Variants in FASTKD1 observed in about 807,000 individuals in gnomAD.
The protein encoded by FASTKD1 is FAST kinase domains 1.
A neutral mutation model predicts 90.9 loss-of-function variants in FASTKD1; 94 were observed. The ratio of observed to expected loss-of-function variants is 1.03; its 90% CI spans 0.88 to 1.23. The LOEUF is 1.23. Ranked by LOEUF, FASTKD1 falls within the 50% of genes most tolerant of loss-of-function variation. The probability of loss-of-function intolerance (pLI) is 0.00; values close to 1 mark genes in which losing one functional copy is unlikely to be tolerated. For synonymous variants in FASTKD1, 319 were observed against 345.8 expected (o/e 0.92, Z 0.86); for missense variants, 945 against 993.5 (o/e 0.95, Z 0.66).
At chr2:169,572,573 G>T (rs1030855223) in intron 1 of FASTKD1, among the ~76,000 whole-genome samples, 3 of 150,310 alleles carry the variant, frequency 2.0e-5, no homozygotes, top group Non-Finnish European at 4.4e-5. Flanking sequence ...TAATTTTTCA[G>T]AAGTATGGTC....
chr2:169,548,823 G>A (rs113768989), intron 7 of FASTKD1, among the ~76,000 whole-genome samples: 3,807 of 151,914 alleles, frequency 0.025, 172 homozygotes, highest in African/African-American at 0.087. Context: ...GGCTGGGCGC[G>A]GTAGCTCACT....
At position 169,571,637 on chromosome 2, in the gene FASTKD1, A is replaced by T. The variant is rs747115135; in HGVS notation, c.377+16T>A. 4.0e-5 allele frequency: 57 copies of T among 1,436,814 alleles called. No individual in the cohort carries two copies. Among genetic ancestry groups the T allele is most frequent in the Non-Finnish European group, 5.0e-5 (53 of 1,054,996 alleles). The allele number at this position is 1,436,814 out of a possible 1,614,324, so 89.0% of individuals were successfully genotyped here. On this transcript the variant is annotated intron_variant, in intron 2 of 14. Transcript: ENST00000453153. ...CTATATAATCATTCCATAAAATATA[A>T]AAGTAAATTACTTACTGTTGTGTGA... is the stretch of plus-strand genomic sequence containing the variant.
chr2:169,553,270 G>GGAAAAA (rs1559149845), intron 7 of FASTKD1, among the ~76,000 whole-genome samples: 1 of 7,506 alleles, frequency 1.3e-4, no homozygotes, highest in African/African-American at 3.5e-4. Context: ...TTAAAAGCAT[G>GGAAAAA]CAAAAAAAAA....
chr2:169,542,967 T>C (rs959333218), intron 9 of FASTKD1, among the ~76,000 whole-genome samples: 1 of 152,198 alleles, frequency 6.6e-6, no homozygotes, highest in African/African-American at 2.4e-5. Context: ...GCTGCAAATG[T>C]TTAATCTGAA....
At chr2:169,546,924 A>G (rs899473032) in intron 7 of FASTKD1, among the ~76,000 whole-genome samples, 26 of 152,142 alleles carry the variant, frequency 1.7e-4, no homozygotes, top group Non-Finnish European at 3.1e-4. Context: ...GCGGATACCA[A>G]CTGGGTGTCC....
Position 169,544,745 on chromosome 2 carries a change from C to T in FASTKD1, c.1792G>A (p.Val598Met), listed in dbSNP as rs759405753. 13 of 1,604,650 alleles carry T rather than the reference C, an allele frequency of 8.1e-6. No homozygotes were observed. The highest frequency in any genetic ancestry group is 6.7e-5 in the African/African-American group (5 of 74,640). Residue 598 changes from valine (V) to methionine (M), a missense_variant, in exon 9 of 15, where the codon GTG (valine) becomes ATG (methionine). By Grantham distance (21) the Val-to-Met change is conservative. Transcript: ENST00000453153. ...CCTAAGTAAGAATTAAGATGTTGCACGCAAGTTCCCAAAAATTCATCCCTT... is the reference window on the plus strand; with the variant it reads ...CCTAAGTAAGAATTAAGATGTTGCATGCAAGTTCCCAAAAATTCATCCCTT... ...PQRDEFLGTC[V>M]QHLNSYLGIL...
At position 169,530,417 on chromosome 2, in the gene FASTKD1, G is replaced by A. The variant is rs115310405; in HGVS notation, c.2442+170C>T. ...AGGATCAAGCAATCCTCCCACCTCA[G>A]CCACCCAAGTAGCTACAGGCATGAG... On this transcript the variant is annotated intron_variant, in intron 14 of 14. Coordinates refer to ENST00000453153, the MANE Select transcript of FASTKD1 (RefSeq NM_024622.6). Among the ~76,000 whole-genome samples, 1,476 of 152,138 alleles carry A rather than the reference G, an allele frequency of 9.7e-3. 11 individuals carry two copies. Among genetic ancestry groups the A allele is most frequent in the Non-Finnish European group, 0.016 (1,105 of 67,984 alleles).
intron 3 of FASTKD1, 42 bp downstream of exon 3, chr2:169,569,142 A>G (rs1380727329): frequency 1.9e-6 from 3 of 1,547,392 alleles, no homozygotes; most frequent in Non-Finnish European, 2.7e-6. Context: ...TTAACCCTGA[A>G]AAGAATAACC....
chr2:169,571,057 C>A (rs1300224690), intron 2 of FASTKD1: 1 of 152,244 alleles, frequency 6.6e-6, no homozygotes, highest in Non-Finnish European at 1.5e-5. Context: ...CCACAATAAT[C>A]CAATTTCAAA....
intron 10 of FASTKD1, among the ~76,000 whole-genome samples, chr2:169,538,365 A>T (rs1424175901): frequency 6.6e-6 from 1 of 152,098 alleles, no homozygotes; most frequent in East Asian, 1.9e-4. Flanking sequence ...TTAATCATGA[A>T]CGTTAAAAGT....
intron 8 of FASTKD1, 121 bp downstream of exon 8, chr2:169,546,097 A>G: frequency 9.0e-7 from 1 of 1,106,696 alleles, no homozygotes; most frequent in East Asian, 2.5e-5. Context: ...CATCTGACCC[A>G]GAATTTATTT....
rs973328717 is a variant in FASTKD1 at position 169,544,904 on chromosome 2, A to G, written c.1702-69T>C. 7 of 800,720 alleles carry G rather than the reference A, an allele frequency of 8.7e-6. No homozygotes were observed. In the African/African-American group the frequency reaches 1.1e-4, roughly 12 times the overall value. The allele number at this position is 800,720 out of a possible 1,614,324, so 49.6% of individuals were successfully genotyped here. On this transcript the variant is annotated intron_variant, in intron 8 of 14. Coordinates refer to ENST00000453153, the MANE Select transcript of FASTKD1 (RefSeq NM_024622.6). The stretch of plus-strand genomic sequence containing the variant: ...AATAAGACAAAATTTTAACCTAATT[A>G]TTTTTTAGGAGAAATCTTTTCCTAT...
At position 169,537,326 on chromosome 2, in the gene FASTKD1, C is replaced by T. The variant is rs760577356; in HGVS notation, c.2089G>A (p.Asp697Asn). Residue 697 changes from aspartate (D) to asparagine (N), a missense_variant, in exon 12 of 15, where the codon GAT becomes AAT. By Grantham distance (23) the Asp-to-Asn change is conservative (BLOSUM62 1). Coordinates refer to ENST00000453153, the MANE Select transcript of FASTKD1 (RefSeq NM_024622.6). ...QQYNKGIGGM[D>N]GTQQQIFKML... Reference sequence around the variant, plus strand: ...TTAAAAATCTGCTGTTGTGTTCCATCCATGCCACCAATACCTTTATAAAAA... The same window carrying T: ...TTAAAAATCTGCTGTTGTGTTCCATTCATGCCACCAATACCTTTATAAAAA... The T allele has an allele frequency of 8.7e-6, 14 of 1,600,054 alleles. No individual in the cohort carries two copies. The Admixed American group carries it at 1.8e-4, about 21-fold the overall frequency.
chr2:169,553,227 A>T (rs1474928577), intron 7 of FASTKD1, among the ~76,000 whole-genome samples: 1 of 150,766 alleles, frequency 6.6e-6, no homozygotes, highest in Non-Finnish European at 1.5e-5. Flanking sequence ...CAAAAATAAA[A>T]ATAAATAAAA....
intron 12 of FASTKD1, among the ~76,000 whole-genome samples, chr2:169,534,463 C>CTTTTTTTTTTT (rs1210482307): frequency 9.0e-6 from 1 of 110,670 alleles, no homozygotes; most frequent in Non-Finnish European, 1.8e-5. Flanking sequence ...TTTTTTTTTT[C>CTTTTTTTTTTT]TTTTTTTTTT....
intron 12 of FASTKD1, among the ~76,000 whole-genome samples, chr2:169,534,096 T>C (rs1374283876): frequency 6.8e-6 from 1 of 146,804 alleles, no homozygotes; most frequent in Non-Finnish European, 1.5e-5. Context: ...ACTTGAGCTC[T>C]GGAGGCAGAG....
chr2:169,534,350 T>A (rs1684625122), intron 12 of FASTKD1, among the ~76,000 whole-genome samples: 1 of 151,722 alleles, frequency 6.6e-6, no homozygotes, highest in African/African-American at 2.4e-5. Flanking sequence ...CAAAGTACCA[T>A]CTTGGAAGCA....
At chr2:169,564,741 G>A (rs906048124) in intron 3 of FASTKD1, among the ~76,000 whole-genome samples, 1 of 151,764 alleles carries the variant, frequency 6.6e-6, no homozygotes, top group Non-Finnish European at 1.5e-5. Flanking sequence ...CCAGCCTCTG[G>A]TAACCATCGT....
intron 3 of FASTKD1, among the ~76,000 whole-genome samples, 174 bp downstream of exon 3, chr2:169,569,010 A>C (rs145912985): frequency 0.094 from 14,256 of 151,794 alleles, 880 homozygotes; most frequent in Middle Eastern, 0.19. Flanking sequence ...AAAAAAAAAA[A>C]AAAAACAACA....
Sources: gnomAD v4.1 joint callset for allele counts (sites outside exome capture counted in the v4.1 genomes callset) on GRCh38, gnomAD v4.1.1 for gene constraint, MANE v1.5 for transcripts, NCBI Gene and HGNC (gene_info 2026-07-23, HGNC 2026-07-21) for gene names.